MYT1L: variants seen among roughly 807,000 people sequenced by gnomAD.
The protein encoded by MYT1L is myelin transcription factor 1 like.
In MYT1L, 12 loss-of-function variants were observed where a neutral mutation model predicts 126.7. That is an observed-to-expected ratio of 0.09 (90% CI 0.06 to 0.15). MYT1L has a LOEUF of 0.15. Ranked by LOEUF, MYT1L falls within the 10% of genes least tolerant of loss-of-function variation. MYT1L has a pLI of 1.00. For missense variants in MYT1L, 979 were observed against 1,585.2 expected (o/e 0.62, Z 6.49); for synonymous variants, 541 against 604.2 (o/e 0.90, Z 1.53).
At chr2:2,282,057 G>A (rs7588195) in intron 2 of MYT1L, among the ~76,000 whole-genome samples, 71,399 of 151,976 alleles carry the variant, frequency 0.47, 17,909 homozygotes, top group African/African-American at 0.64. Context: ...AATAATGGTC[G>A]CTATATTAAA....
chr2:1,920,031 T>C (rs1262038029), intron 10 of MYT1L, among the ~76,000 whole-genome samples: 1 of 152,204 alleles, frequency 6.6e-6, no homozygotes, highest in African/African-American at 2.4e-5. Flanking sequence ...ATGTATTTGG[T>C]TCTGAATATA....
rs184877638 is a variant in MYT1L, at chr2:2,170,419, G to A, written c.-304+2453C>T. 7.4e-4 allele frequency among the ~76,000 whole-genome samples: 112 copies of A among 152,300 alleles called. 1 individual carries two copies. The highest frequency in any genetic ancestry group is 1.3e-3 in the Non-Finnish European group (91 of 68,038). ...CAGGTGGCCATGCCATTTGCTCGCT[G>A]TTGCCTGTGGCTCATTTCAGACAGC... On this transcript the variant is annotated intron_variant, in intron 3 of 24. Coordinates refer to ENST00000647738, the MANE Select transcript of MYT1L (RefSeq NM_001303052.2).
At chr2:2,214,002 T>C (rs1301554006) in intron 2 of MYT1L, among the ~76,000 whole-genome samples, 1 of 152,094 alleles carries the variant, frequency 6.6e-6, no homozygotes, top group Non-Finnish European at 1.5e-5. Context: ...TTTTAAAAAA[T>C]TAAATCAAAT....
At chr2:2,209,239 T>C (rs544222450) in intron 2 of MYT1L, among the ~76,000 whole-genome samples, 3 of 152,312 alleles carry the variant, frequency 2.0e-5, no homozygotes, top group East Asian at 1.9e-4. Context: ...TTATCCTTTG[T>C]GTTACAAAAA....
chr2:1,859,472 A>G (rs901931773), intron 18 of MYT1L, among the ~76,000 whole-genome samples: 7 of 152,214 alleles, frequency 4.6e-5, no homozygotes, highest in Non-Finnish European at 1.0e-4. Context: ...TGCAAGGGTC[A>G]TCATGCAAAT....
intron 2 of MYT1L, among the ~76,000 whole-genome samples, chr2:2,274,619 A>T (rs1053403040): frequency 6.6e-6 from 1 of 152,216 alleles, no homozygotes; most frequent in Non-Finnish European, 1.5e-5. Context: ...TAGCCTGAGA[A>T]AGAAGGTATA....
At chr2:2,311,870 C>T (rs2095977823) in intron 1 of MYT1L, among the ~76,000 whole-genome samples, 1 of 152,212 alleles carries the variant, frequency 6.6e-6, no homozygotes, top group Non-Finnish European at 1.5e-5. Context: ...AATGTATTAA[C>T]AAGTTATGCA....
chr2:2,055,254 A>AT (rs2069363356), intron 3 of MYT1L, among the ~76,000 whole-genome samples: 2 of 152,216 alleles, frequency 1.3e-5, no homozygotes, highest in African/African-American at 2.4e-5. Flanking sequence ...TTCATAGCTT[A>AT]TATCATCAGC....
intron 3 of MYT1L, among the ~76,000 whole-genome samples, chr2:2,117,427 G>A (rs1331000437): frequency 6.6e-6 from 1 of 152,260 alleles, no homozygotes; most frequent in South Asian, 2.1e-4. Context: ...CAGAATCACC[G>A]GGACTTCAGT....
chr2:2,004,323 G>GTGCC (rs2062865047), intron 4 of MYT1L, among the ~76,000 whole-genome samples: 2 of 128,442 alleles, frequency 1.6e-5, no homozygotes, highest in Non-Finnish European at 1.6e-5. Flanking sequence ...TCCTGCAGGC[G>GTGCC]TTCTTTCCTG....
chr2:2,236,757 TTTCTTC>T (rs760901038), intron 2 of MYT1L, among the ~76,000 whole-genome samples: 3,202 of 132,332 alleles, frequency 0.024, 76 homozygotes, highest in Non-Finnish European at 0.034. Context: ...TTGGTTGTCC[TTTCTTC>T]TTCTTCTTCT....
chr2:1,884,902 G>A (rs2047983609), intron 18 of MYT1L, among the ~76,000 whole-genome samples: 1 of 152,236 alleles, frequency 6.6e-6, no homozygotes, highest in African/African-American at 2.4e-5. Context: ...CTTGCAAGAT[G>A]AAGTAAGAGA....
In MYT1L at chr2:2,110,614, T is replaced by TCTCC. The variant is rs150109091; in HGVS notation, c.-303-56495_-303-56492dup. On this transcript the variant is annotated intron_variant, in intron 3 of 24. Transcript: ENST00000647738. ...TCCCTCCCTCTATTTCCTCCTCCCC[T>TCTCC]CTCCCTCTCCCTCCCCTCATTCTTT... is the stretch of plus-strand genomic sequence containing the variant. Among the ~76,000 whole-genome samples the TCTCC allele has an allele frequency of 5.2e-3, 580 of 110,898 alleles. 2 individuals carry two copies. The highest frequency in any genetic ancestry group is 0.019 in the African/African-American group (560 of 29,208). 72.8% of individuals were successfully genotyped at this position (110,898 alleles called of 152,430 possible). A position where few individuals can be genotyped will look rare whatever the true frequency, so the allele number is the denominator to read the frequency against.
intron 9 of MYT1L, among the ~76,000 whole-genome samples, chr2:1,934,207 C>T (rs1333922695): frequency 3.3e-5 from 5 of 151,018 alleles, no homozygotes; most frequent in South Asian, 4.2e-4. Flanking sequence ...ATCTCCTGAC[C>T]TCGTGATCCT....
chr2:2,206,063 G>A lies in MYT1L; in HGVS notation c.-420-33075C>T, dbSNP rs186054145. ...AGTGGCATGATTTTGGCCCACTGCAGCCTCCACCTCCCAGGTTCAAGCAAT... is the reference window on the plus strand; with the variant it reads ...AGTGGCATGATTTTGGCCCACTGCAACCTCCACCTCCCAGGTTCAAGCAAT... On this transcript the variant is annotated intron_variant, in intron 2 of 24. Transcript: ENST00000647738. Among the ~76,000 whole-genome samples the A allele has an allele frequency of 9.7e-3, 1,466 of 151,368 alleles. 8 individuals carry two copies. The highest frequency in any genetic ancestry group is 0.024 in the South Asian group (113 of 4,774).
chr2:2,024,041 T>C (rs945048720), intron 4 of MYT1L, among the ~76,000 whole-genome samples: 19 of 152,238 alleles, frequency 1.2e-4, no homozygotes, highest in Non-Finnish European at 2.5e-4. Flanking sequence ...TTTACGTTGA[T>C]TTTTAAAATA....
At chr2:2,119,703 C>T (rs955015742) in intron 3 of MYT1L, among the ~76,000 whole-genome samples, 1 of 152,072 alleles carries the variant, frequency 6.6e-6, no homozygotes, top group Non-Finnish European at 1.5e-5. Flanking sequence ...TCATGATTCG[C>T]ATTAATACAA....
At chr2:1,987,438 A>T (rs1219558255) in intron 5 of MYT1L, among the ~76,000 whole-genome samples, 1 of 150,782 alleles carries the variant, frequency 6.6e-6, no homozygotes, top group Non-Finnish European at 1.5e-5. Flanking sequence ...TTTCCATGGG[A>T]GGGGCAGCCA....
intron 3 of MYT1L, among the ~76,000 whole-genome samples, chr2:2,171,957 C>T (rs1465758916): frequency 6.6e-6 from 1 of 152,144 alleles, no homozygotes; most frequent in Non-Finnish European, 1.5e-5. Context: ...CCACAGCTTT[C>T]CTTATAGAGC....
Sources: gnomAD v4.1 joint callset for allele counts (sites outside exome capture counted in the v4.1 genomes callset) on GRCh38, gnomAD v4.1.1 for gene constraint, MANE v1.5 for transcripts, NCBI Gene and HGNC (gene_info 2026-07-23, HGNC 2026-07-21) for gene names.